SLC39A14: variants seen among roughly 807,000 people sequenced by gnomAD.
The protein encoded by SLC39A14 is solute carrier family 39 member 14, also known as metal cation symporter ZIP14.
Under a neutral mutation model 45.5 loss-of-function variants are expected in SLC39A14, and 19 were observed. That is an observed-to-expected ratio of 0.42 (90% confidence interval 0.29 to 0.61). SLC39A14 has a LOEUF of 0.61. Among genes scored for constraint, SLC39A14 ranks in the 20% least tolerant of loss-of-function variants. SLC39A14 has a pLI of 0.22. For synonymous variants in SLC39A14, 264 were observed against 251.3 expected, an observed-to-expected ratio of 1.05 and a Z score of -0.48; for missense variants, 447 against 616.5, an observed-to-expected ratio of 0.73 and a Z score of 2.91.
chr8:22,398,580 GC>G (rs1834654220), intron 1 of SLC39A14: 6 of 238,388 alleles, frequency 2.5e-5, no homozygotes, highest in Non-Finnish European at 4.1e-5. Flanking sequence ...ACAAGTGGAT[GC>G]CCGGCTGCTC....
intron 1 of SLC39A14, among the ~76,000 whole-genome samples, chr8:22,385,910 A>G (rs1833766773): frequency 6.6e-6 from 1 of 152,168 alleles, no homozygotes; most frequent in South Asian, 2.1e-4. Context: ...GGGTTGAAGC[A>G]AGGAAAGTGA....
Position 22,416,143 on chromosome 8 carries a change from C to T in SLC39A14, c.1010C>T (p.Ala337Val). 1 of 1,614,094 alleles carries T rather than the reference C, an allele frequency of 6.2e-7. No homozygotes were observed. The highest frequency in any genetic ancestry group is 8.5e-7 in the Non-Finnish European group (1 of 1,180,026). Residue 337 changes from alanine (A) to valine (V), a missense_variant, in exon 7 of 9, where the codon GCC becomes GTC. Around this residue, in one of 2 missense-constraint regions of SLC39A14, gnomAD observed 342 missense variants for 428.1 expected, o/e 0.80. Transcript: ENST00000381237. The part of the protein sequence containing the change: ...GVRYSDIGTL[A>V]WMITLSDGLH... ...CGCTACTCTGATATCGGCACTCTGG[C>T]CTGGATGATCACTCTGAGCGACGGC...
chr8:22,416,447 C>T lies in SLC39A14; in HGVS notation c.1147+167C>T, dbSNP rs139302336. Among the ~76,000 whole-genome samples, 1,072 of 152,040 alleles carry T rather than the reference C, an allele frequency of 7.1e-3. 14 individuals carry two copies. Among genetic ancestry groups the T allele is most frequent in the African/African-American group, 0.024 (997 of 41,458 alleles). ...ACCCTAATCACCTTTTTTTTGGAGA[C>T]GGAGTCTCGCACTGTTGCCCAGGCC... is the stretch of plus-strand genomic sequence containing the variant. On this transcript the variant is annotated intron_variant, in intron 7 of 8. Transcript: ENST00000381237.
At position 22,367,506 on chromosome 8, in the gene SLC39A14, C is replaced by T; in HGVS notation, c.-16+98C>T. 6.6e-6 allele frequency: 1 copy of T among 152,268 alleles called. No individual in the cohort carries two copies. Among genetic ancestry groups the T allele is most frequent in the Non-Finnish European group, 1.5e-5 (1 of 68,096 alleles). 9.4% of individuals were successfully genotyped at this position (152,268 alleles called of 1,614,324 possible). A position where few individuals can be genotyped will look rare whatever the true frequency, so the allele number is the denominator to read the frequency against. On this transcript the variant is annotated intron_variant, in intron 1 of 8. Coordinates refer to ENST00000381237, the MANE Select transcript of SLC39A14 (RefSeq NM_001128431.4). The surrounding 1 kb of genome is among the most constrained non-coding windows in gnomAD (Gnocchi z 4.2). Reference sequence around the variant, plus strand: ...GGGTGGGGGCGGGGACAGCCCTGCGCCGAGGACCGGGCGCCGCTCCCGGGC... The same window carrying T: ...GGGTGGGGGCGGGGACAGCCCTGCGTCGAGGACCGGGCGCCGCTCCCGGGC...
intron 1 of SLC39A14, among the ~76,000 whole-genome samples, chr8:22,372,759 ATGTGG>A (rs1214219605): frequency 7.2e-5 from 11 of 152,218 alleles, no homozygotes; most frequent in Admixed American, 7.2e-4. Context: ...TCTTTTGTAT[ATGTGG>A]CTATCTGTAT....
rs1193958911 is a variant in SLC39A14, at chr8:22,415,025, T to TA, written c.750+125dup. ...CAATATCACAATTTCCGTGAAACTC[T>TA]AATTTCTTGAGGAGACAATCCCATT... On this transcript the variant is annotated intron_variant, in intron 5 of 8. Coordinates refer to ENST00000381237, the MANE Select transcript of SLC39A14 (RefSeq NM_001128431.4). 6.4e-5 allele frequency: 77 copies of TA among 1,203,928 alleles called. No individual in the cohort carries two copies. The Middle Eastern group carries it at 1.6e-3, about 24-fold the overall frequency. 74.6% of individuals were successfully genotyped at this position (1,203,928 alleles called of 1,614,324 possible).
intron 1 of SLC39A14, among the ~76,000 whole-genome samples, chr8:22,400,108 G>T (rs1834770828): frequency 1.3e-5 from 2 of 152,202 alleles, no homozygotes; most frequent in African/African-American, 4.8e-5. Context: ...GCAGGACTTT[G>T]TGGATCTCCG....
At chr8:22,424,587 C>G (rs147766266), downstream of SLC39A14, among the ~76,000 whole-genome samples, 3 of 152,284 alleles carry the variant, frequency 2.0e-5, no homozygotes, top group Non-Finnish European at 4.4e-5. Context: ...TCCCTCCTGC[C>G]TTTCCAGGAG....
chr8:22,418,008 T>C (rs1397887844), intron 8 of SLC39A14, among the ~76,000 whole-genome samples, 173 bp downstream of exon 8: 2 of 152,116 alleles, frequency 1.3e-5, no homozygotes, highest in Non-Finnish European at 2.9e-5. Flanking sequence ...GTTCAAGTGA[T>C]TCGCCTGCCT....
At chr8:22,415,110 G>A (rs376651342) in intron 5 of SLC39A14, 1 of 565,120 alleles carries the variant, frequency 1.8e-6, no homozygotes, top group Non-Finnish European at 3.0e-6. Flanking sequence ...ATCTGGCCAG[G>A]GTGCCTTCTA....
chr8:22,383,013 C>T (rs990991629), intron 1 of SLC39A14, among the ~76,000 whole-genome samples: 8 of 152,022 alleles, frequency 5.3e-5, no homozygotes, highest in Non-Finnish European at 7.4e-5. Context: ...TCACCGCGGC[C>T]GGTGGCGGTG....
chr8:22,381,860 G>C (rs1355336177), intron 1 of SLC39A14, among the ~76,000 whole-genome samples: 3 of 152,114 alleles, frequency 2.0e-5, no homozygotes, highest in Non-Finnish European at 4.4e-5. Flanking sequence ...GGCAAAGAAG[G>C]CTGGGTGCAG....
intron 1 of SLC39A14, among the ~76,000 whole-genome samples, chr8:22,369,758 C>T (rs13258195): frequency 0.22 from 33,458 of 152,088 alleles, 4,596 homozygotes; most frequent in East Asian, 0.5. Context: ...TGCAGGATGT[C>T]GTGATTTTGC....
downstream of SLC39A14, among the ~76,000 whole-genome samples, chr8:22,425,046 A>AAAG (rs1836360613): frequency 2.6e-5 from 4 of 151,880 alleles, no homozygotes; most frequent in African/African-American, 4.8e-5. Flanking sequence ...AAAAAAAAAA[A>AAAG]AAAAGACTAA....
chr8:22,429,109 A>G (rs1836430842), intron 8 of SLC39A14, among the ~76,000 whole-genome samples: 1 of 152,020 alleles, frequency 6.6e-6, no homozygotes. Flanking sequence ...CGTCTCTACT[A>G]AAAATACAAA....
intron 8 of SLC39A14, among the ~76,000 whole-genome samples, chr8:22,429,242 A>G (rs979768168): frequency 6.6e-6 from 1 of 152,198 alleles, no homozygotes; most frequent in Non-Finnish European, 1.5e-5. Context: ...ACTGCACTCC[A>G]GCCTGGGCGA....
At chr8:22,394,559 T>C (rs1834271278) in intron 1 of SLC39A14, among the ~76,000 whole-genome samples, 1 of 152,036 alleles carries the variant, frequency 6.6e-6, no homozygotes, top group Admixed American at 6.6e-5. Flanking sequence ...GACCTTGTGA[T>C]CCGCCCGCCT....
chr8:22,425,889 G>GGT (rs1554523313), downstream of SLC39A14, among the ~76,000 whole-genome samples: 1 of 76,272 alleles, frequency 1.3e-5, no homozygotes, highest in Non-Finnish European at 3.1e-5. Context: ...GATGGTTTTT[G>GGT]TTTTTTTTTT....
At chr8:22,416,455 C>T (rs941075463) in intron 7 of SLC39A14, among the ~76,000 whole-genome samples, 175 bp downstream of exon 7, 6 of 152,102 alleles carry the variant, frequency 3.9e-5, no homozygotes, top group Non-Finnish European at 8.8e-5. Flanking sequence ...GACGGAGTCT[C>T]GCACTGTTGC....
Sources: allele counts gnomAD v4.1 joint callset (sites outside exome capture counted in the v4.1 genomes callset), GRCh38; gene constraint gnomAD v4.1.1; regional missense constraint gnomAD v4.1.1; non-coding constraint Gnocchi (gnomAD v3.1); transcripts MANE v1.5; gene names NCBI Gene and HGNC (gene_info 2026-07-23, HGNC 2026-07-21).